Variants in FKTN observed in about 807,000 individuals in gnomAD.
The protein encoded by FKTN is fukutin.
In FKTN, 47 loss-of-function variants were observed where a neutral mutation model predicts 58.6. That is an observed-to-expected ratio of 0.80 (90% CI 0.63 to 1.02). The LOEUF is 1.02. FKTN is among the 50% of genes least tolerant of loss of function. The pLI is 0.00. For missense variants in FKTN, 516 were observed against 537.3 expected, an observed-to-expected ratio of 0.96 and a Z score of 0.39; for synonymous variants, 178 against 191.9, an observed-to-expected ratio of 0.93 and a Z score of 0.60.
rs1554768242 is a variant in FKTN, at chr9:105,640,123, A to G, written c.*4859A>G. On this transcript the variant is annotated 3_prime_UTR_variant, in exon 11 of 11. Transcript: ENST00000357998. The stretch of plus-strand genomic sequence containing the variant: ...TAGGCAAGAATCAGCAGGGTGCATG[A>G]TGCCATTTTAAGCTGCTTCACATCA... 1.3e-6 allele frequency: 2 copies of G among 1,535,530 alleles called. No individual in the cohort carries two copies. Among genetic ancestry groups the G allele is most frequent in the Non-Finnish European group, 1.7e-6 (2 of 1,146,776 alleles).
At chr9:105,603,924 T>C (rs889548036) in intron 5 of FKTN, 4 of 389,384 alleles carry the variant, frequency 1.0e-5, no homozygotes, top group Non-Finnish European at 1.9e-5. Context: ...TGCCTCAGCC[T>C]CCCAAAGCGC....
chr9:105,632,299 G>A (rs980850260), intron 10 of FKTN, among the ~76,000 whole-genome samples: 2 of 151,702 alleles, frequency 1.3e-5, no homozygotes, highest in African/African-American at 2.4e-5. Flanking sequence ...GGATAGCATC[G>A]GGAGATATAC....
At chr9:105,620,359 G>C (rs545058577) in intron 10 of FKTN, among the ~76,000 whole-genome samples, 1 of 152,306 alleles carries the variant, frequency 6.6e-6, no homozygotes, top group South Asian at 2.1e-4. Context: ...ATGGGTTTTA[G>C]AGTCAGGCTG....
rs192910853 is a variant in FKTN, at chr9:105,582,739, T to A, written c.105+7602T>A. Among the ~76,000 whole-genome samples the A allele has an allele frequency of 4.5e-3, 685 of 152,324 alleles. 7 individuals are homozygous for A. The highest frequency in any genetic ancestry group is 0.016 in the African/African-American group (661 of 41,572). ...TTAGGATAAAGTCCTAGAGTAGAAA[T>A]TCTAGATCTAATATGCACATTTTAG... On this transcript the variant is annotated intron_variant, in intron 3 of 10. Coordinates refer to ENST00000357998, the MANE Select transcript of FKTN (RefSeq NM_001079802.2).
chr9:105,572,391 A>G (rs1840892286), intron 1 of FKTN, among the ~76,000 whole-genome samples: 1 of 152,226 alleles, frequency 6.6e-6, no homozygotes, highest in Non-Finnish European at 1.5e-5. Flanking sequence ...CAACAAGGAA[A>G]CTGAGAGAAA....
chr9:105,619,806 T>C (rs368199437), intron 9 of FKTN, 128 bp from the exon 10 acceptor site: 1 of 807,326 alleles, frequency 1.2e-6, no homozygotes, highest in South Asian at 1.7e-5. Flanking sequence ...AAAATGTGCA[T>C]CTTAGAATGA....
chr9:105,589,068 G>A (rs1313894513), intron 3 of FKTN, among the ~76,000 whole-genome samples: 2 of 152,174 alleles, frequency 1.3e-5, no homozygotes, highest in Non-Finnish European at 2.9e-5. Context: ...TCCAGAGACG[G>A]ATTAAACGTT....
chr9:105,575,354 T>C (rs1841476118), intron 3 of FKTN, among the ~76,000 whole-genome samples: 1 of 152,226 alleles, frequency 6.6e-6, no homozygotes, highest in African/African-American at 2.4e-5. Context: ...TATTGGAATT[T>C]CCTGAGCTAG....
At chr9:105,633,815 T>A (rs937117320) in intron 10 of FKTN, among the ~76,000 whole-genome samples, 2 of 152,222 alleles carry the variant, frequency 1.3e-5, no homozygotes, top group African/African-American at 4.8e-5. Context: ...AGAACTGACC[T>A]TTTCTTGGAG....
chr9:105,638,442 G>C lies in FKTN; in HGVS notation c.*3178G>C. Reference sequence around the variant, plus strand: ...GACAATAAGACAGTTCACATCTGGAGACATCAGCCTTTGGTACCTAATTCT... The same window carrying C: ...GACAATAAGACAGTTCACATCTGGACACATCAGCCTTTGGTACCTAATTCT... On this transcript the variant is annotated 3_prime_UTR_variant, in exon 11 of 11. Transcript: ENST00000357998. The C allele has an allele frequency of 2.0e-6, 2 of 985,416 alleles. No individual in the cohort carries two copies. Among genetic ancestry groups the C allele is most frequent in the African/African-American group, 1.7e-5 (1 of 57,360 alleles). 61.0% of individuals were successfully genotyped at this position (985,416 alleles called of 1,614,324 possible).
In FKTN at chr9:105,637,683, G is replaced by T; in HGVS notation, c.*2419G>T. ...ACCACTTTCAGGTTTAGTTTACCTGGCTTACCTGGGGAAGTTGACAACTTG... is the reference window on the plus strand; with the variant it reads ...ACCACTTTCAGGTTTAGTTTACCTGTCTTACCTGGGGAAGTTGACAACTTG... On this transcript the variant is annotated 3_prime_UTR_variant, in exon 11 of 11. Transcript: ENST00000357998. 1.0e-6 allele frequency: 1 copy of T among 985,278 alleles called. No homozygotes were observed. Among genetic ancestry groups the T allele is most frequent in the Non-Finnish European group, 1.2e-6 (1 of 829,888 alleles). The allele number at this position is 985,278 out of a possible 1,614,324, so 61.0% of individuals were successfully genotyped here. A position where few individuals can be genotyped will look rare whatever the true frequency, so the allele number is the denominator to read the frequency against.
intron 3 of FKTN, among the ~76,000 whole-genome samples, chr9:105,578,993 A>T (rs62575117): frequency 6.0e-5 from 9 of 150,466 alleles, no homozygotes; most frequent in African/African-American, 1.7e-4. Flanking sequence ...TTTGTATTTC[A>T]GTGGGATCGG....
At chr9:105,625,359 C>T (rs180917489) in intron 10 of FKTN, among the ~76,000 whole-genome samples, 100 of 152,188 alleles carry the variant, frequency 6.6e-4, no homozygotes, top group Non-Finnish European at 1.2e-3. Flanking sequence ...AGACTTAGGG[C>T]CATGTAAAGA....
At chr9:105,581,714 T>C (rs1023959472) in intron 3 of FKTN, among the ~76,000 whole-genome samples, 53 of 152,366 alleles carry the variant, frequency 3.5e-4, no homozygotes, top group Admixed American at 1.1e-3. Flanking sequence ...GCTTCCCGGC[T>C]GCTTTGTTTA....
At chr9:105,631,459 A>G (rs1261167683) in intron 10 of FKTN, among the ~76,000 whole-genome samples, 2 of 152,178 alleles carry the variant, frequency 1.3e-5, no homozygotes, top group Non-Finnish European at 2.9e-5. Context: ...AAGTTTAAAA[A>G]AGCCAGGTTC....
chr9:105,615,054 TTA>T (rs1830572296), intron 7 of FKTN, among the ~76,000 whole-genome samples: 1 of 152,032 alleles, frequency 6.6e-6, no homozygotes, highest in South Asian at 2.1e-4. Context: ...CAGCTAATTT[TTA>T]TGTTTTTAGT....
intron 6 of FKTN, among the ~76,000 whole-genome samples, chr9:105,605,611 A>G (rs1232902246): frequency 5.3e-5 from 8 of 152,316 alleles, no homozygotes; most frequent in Admixed American, 1.3e-4. Flanking sequence ...ACTGGAGATC[A>G]TTATATTAAG....
chr9:105,588,038 T>G (rs370090861), intron 3 of FKTN, among the ~76,000 whole-genome samples: 2 of 152,334 alleles, frequency 1.3e-5, no homozygotes, highest in South Asian at 4.1e-4. Context: ...TAATTTTTTC[T>G]GAAAGTACTA....
chr9:105,599,724 G>A (rs1827521618), intron 4 of FKTN, among the ~76,000 whole-genome samples: 1 of 152,020 alleles, frequency 6.6e-6, no homozygotes, highest in South Asian at 2.1e-4. Context: ...GGCTGGTCCT[G>A]AACTCCTGAC....
Sources: gnomAD v4.1 joint callset for allele counts (sites outside exome capture counted in the v4.1 genomes callset) on GRCh38, gnomAD v4.1.1 for gene constraint, MANE v1.5 for transcripts, NCBI Gene and HGNC (gene_info 2026-07-23, HGNC 2026-07-21) for gene names.